The following TPX2 variants were observed in gnomAD, a reference collection of about 807,000 sequenced individuals.
TPX2 encodes the protein targeting protein for Xklp2.
In TPX2, 21 loss-of-function variants were observed where a neutral mutation model predicts 93.6. That is an observed-to-expected ratio of 0.22 (90% confidence interval 0.16 to 0.32). The LOEUF (loss-of-function observed/expected upper bound fraction) is 0.32. Among genes scored for constraint, TPX2 ranks in the 10% least tolerant of loss-of-function variants. TPX2 has a pLI of 1.00. For missense variants in TPX2, 776 were observed against 871.1 expected, an observed-to-expected ratio of 0.89 and a Z score of 1.37; for synonymous variants, 281 against 298.3, an observed-to-expected ratio of 0.94 and a Z score of 0.60.
chr20:31,792,944 G>C, intron 13 of TPX2, 114 bp downstream of exon 13: 1 of 935,204 alleles, frequency 1.1e-6, no homozygotes, highest in Non-Finnish European at 1.7e-6. Flanking sequence ...TTTTGGACTT[G>C]TCTTTAAGAA....
chr20:31,779,525 G>T (rs559125749), intron 10 of TPX2, among the ~76,000 whole-genome samples: 1 of 152,298 alleles, frequency 6.6e-6, no homozygotes, highest in South Asian at 2.1e-4. Context: ...ATTTATCTCT[G>T]TCATTAGAGA....
intron 12 of TPX2, among the ~76,000 whole-genome samples, chr20:31,785,908 A>G (rs530100778): frequency 1.4e-4 from 22 of 152,330 alleles, no homozygotes; most frequent in African/African-American, 4.8e-4. Context: ...TGTACCTTAC[A>G]TACCAATATT....
chr20:31,799,114 C>G (rs1369441215), intron 17 of TPX2, among the ~76,000 whole-genome samples: 1 of 152,152 alleles, frequency 6.6e-6, no homozygotes, highest in African/African-American at 2.4e-5. Flanking sequence ...CTTGGAGTTA[C>G]AGTGTTCGTC....
chr20:31,751,596 A>G (rs2061820079), intron 2 of TPX2, among the ~76,000 whole-genome samples: 1 of 152,202 alleles, frequency 6.6e-6, no homozygotes, highest in Admixed American at 6.5e-5. Flanking sequence ...TTATTTGATT[A>G]TGGTAAGAAG....
chr20:31,769,349 C>T (rs1459270732), intron 5 of TPX2, among the ~76,000 whole-genome samples: 5 of 145,128 alleles, frequency 3.4e-5, no homozygotes, highest in African/African-American at 5.1e-5. Flanking sequence ...GGCGGAGTCT[C>T]GCTCTGTTGC....
chr20:31,783,035 C>T (rs573735948), intron 11 of TPX2, among the ~76,000 whole-genome samples: 5 of 152,030 alleles, frequency 3.3e-5, no homozygotes, highest in Admixed American at 1.3e-4. Flanking sequence ...TGTGACTCCC[C>T]AAGGGATTGT....
intron 16 of TPX2, 103 bp from the exon 17 acceptor site, chr20:31,798,262 C>T: frequency 7.1e-7 from 1 of 1,412,212 alleles, no homozygotes; most frequent in Non-Finnish European, 1.0e-6. Context: ...AGAGCACAGT[C>T]TTCCTGTTAG....
At chr20:31,766,782 C>G in intron 5 of TPX2, 100 bp downstream of exon 5, 2 of 834,374 alleles carry the variant, frequency 2.4e-6, no homozygotes, top group Non-Finnish European at 3.4e-6. Flanking sequence ...TGTTTATGGA[C>G]ACCTTTATGT....
Position 31,782,259 on chromosome 20 carries a change from C to T in TPX2, c.1065C>T (p.Pro355=). 1 of 1,611,610 alleles carries T rather than the reference C, an allele frequency of 6.2e-7. No homozygotes were observed. Reference sequence around the variant, plus strand: ...CATCTCTGTTTACAGACCTGTTACCCTCCAAATCTTCTGTGACCAAGATTT... The same window carrying T: ...CATCTCTGTTTACAGACCTGTTACCTTCCAAATCTTCTGTGACCAAGATTT... ...RSKKDDINLL[P]SKSSVTKICR... Residue 355 remains proline (P), a synonymous_variant, in exon 11 of 18, where the codon CCC becomes CCT. Coordinates refer to ENST00000300403, the MANE Select transcript of TPX2 (RefSeq NM_012112.5).
intron 12 of TPX2, among the ~76,000 whole-genome samples, chr20:31,787,179 C>T (rs2062072765): frequency 1.3e-5 from 2 of 149,728 alleles, no homozygotes. Context: ...ATACTTATCC[C>T]TATTTTTCAG....
intron 10 of TPX2, among the ~76,000 whole-genome samples, chr20:31,781,780 A>G (rs1008673684): frequency 2.0e-5 from 3 of 151,870 alleles, no homozygotes; most frequent in Non-Finnish European, 4.4e-5. Context: ...CTGTCTCTAC[A>G]AAGAATATAA....
chr20:31,763,355 T>C (rs777936775), intron 4 of TPX2, among the ~76,000 whole-genome samples: 17 of 152,124 alleles, frequency 1.1e-4, no homozygotes, highest in Non-Finnish European at 1.9e-4. Flanking sequence ...AATTTTTGTA[T>C]TTTTAATAGA....
At chr20:31,780,946 G>T (rs891386909) in intron 10 of TPX2, 4 of 408,966 alleles carry the variant, frequency 9.8e-6, no homozygotes, top group African/African-American at 8.6e-5. Flanking sequence ...TAGAGACAGG[G>T]TCTTGCTCCG....
At chr20:31,744,249 G>A (rs1291022308) in intron 2 of TPX2, among the ~76,000 whole-genome samples, 3 of 133,112 alleles carry the variant, frequency 2.3e-5, no homozygotes, top group Non-Finnish European at 1.5e-5. Flanking sequence ...TGCAACCTCC[G>A]CCTCCCAGGT....
chr20:31,750,942 C>T (rs988163838), intron 2 of TPX2, among the ~76,000 whole-genome samples: 3 of 152,066 alleles, frequency 2.0e-5, no homozygotes, highest in African/African-American at 4.8e-5. Context: ...GAGTCTCACT[C>T]TGTTGCCCAC....
chr20:31,792,927 C>A (rs1292443436), intron 13 of TPX2, 97 bp downstream of exon 13: 10 of 1,152,394 alleles, frequency 8.7e-6, no homozygotes, highest in Middle Eastern at 2.0e-4. Flanking sequence ...CAAAGGCAAC[C>A]ACTCTTTTTT....
At chr20:31,800,064 T>C (rs1451816682) in intron 17 of TPX2, among the ~76,000 whole-genome samples, 2 of 152,084 alleles carry the variant, frequency 1.3e-5, no homozygotes, top group Non-Finnish European at 2.9e-5. Context: ...GTGGGCAACA[T>C]AGCAAAGTCC....
chr20:31,741,434 C>T (rs190656792), intron 1 of TPX2, among the ~76,000 whole-genome samples: 89 of 151,892 alleles, frequency 5.9e-4, no homozygotes, highest in African/African-American at 2.0e-3. Flanking sequence ...ACCTCAGTCT[C>T]TTGAGTAGCT....
At chr20:31,753,951 A>G (rs897484697) in intron 2 of TPX2, among the ~76,000 whole-genome samples, 14 of 151,978 alleles carry the variant, frequency 9.2e-5, no homozygotes, top group Non-Finnish European at 1.6e-4. Flanking sequence ...GCTTGAACCC[A>G]GGAGGTGGAG....
Sources: gnomAD v4.1 joint callset for allele counts (sites outside exome capture counted in the v4.1 genomes callset) on GRCh38, gnomAD v4.1.1 for gene constraint, MANE v1.5 for transcripts, NCBI Gene and HGNC (gene_info 2026-07-23, HGNC 2026-07-21) for gene names.